ZNF540: variants seen among roughly 807,000 people sequenced by gnomAD.
ZNF540 encodes zinc finger protein 540.
In ZNF540, 3 loss-of-function variants were observed where a neutral mutation model predicts 11.8. The ratio of observed to expected loss-of-function variants is 0.25; its 90% confidence interval spans 0.12 to 0.65. The LOEUF (loss-of-function observed/expected upper bound fraction) is 0.65. Among genes scored for constraint, ZNF540 ranks in the 30% least tolerant of loss-of-function variants. The pLI, the probability that ZNF540 is intolerant of heterozygous loss-of-function variation, is 0.83. For missense variants in ZNF540, 709 were observed against 793.1 expected, an observed-to-expected ratio of 0.89 and a Z score of 1.27; for synonymous variants, 247 against 259.0, an observed-to-expected ratio of 0.95 and a Z score of 0.45.
rs1032324050 is a variant in ZNF540 at position 37,583,874 on chromosome 19, G to A, written c.-72-14502G>A. On this transcript the variant is annotated intron_variant, in intron 1 of 4. Transcript: ENST00000592533. Reference sequence around the variant, plus strand: ...TGTCCATTTCTACTTCTACTCAAACGTAAGCCTTTCCTTAGGGAATGGAGA... The same window carrying A: ...TGTCCATTTCTACTTCTACTCAAACATAAGCCTTTCCTTAGGGAATGGAGA... 17 of 1,301,870 alleles carry A rather than the reference G, an allele frequency of 1.3e-5. No homozygotes were observed. The Admixed American group carries it at 1.3e-4, about 10-fold the overall frequency. 80.6% of individuals were successfully genotyped at this position (1,301,870 alleles called of 1,614,324 possible).
intron 1 of ZNF540, among the ~76,000 whole-genome samples, chr19:37,551,834 G>T (rs927125802): frequency 7.0e-5 from 10 of 142,720 alleles, no homozygotes; most frequent in Non-Finnish European, 1.2e-4. Flanking sequence ...CTGTGTGTGT[G>T]GGGGGGGTGG....
chr19:37,612,072 TCA>T lies in ZNF540; in HGVS notation c.796_797del (p.Thr266TrpfsTer2). The T allele has an allele frequency of 6.2e-7, 1 of 1,611,828 alleles. No individual in the cohort carries two copies. The highest frequency in any genetic ancestry group is 8.5e-7 in the Non-Finnish European group (1 of 1,179,574). ...YPQLNRHQKI[H>X]TGKKPYMCKK... ...CACAACTTAATCGACATCAGAAAATTCACACTGGTAAAAAACCCTATATGTGT... is the reference window on the plus strand; with the variant it reads ...CACAACTTAATCGACATCAGAAAATTCACTGGTAAAAAACCCTATATGTGT... On this transcript the variant is annotated frameshift_variant, in exon 5 of 5. Transcript: ENST00000316433. LOFTEE classifies it low-confidence loss of function (END_TRUNC).
upstream of ZNF540, among the ~76,000 whole-genome samples, chr19:37,592,667 T>C (rs1478445123): frequency 6.6e-6 from 1 of 152,226 alleles, no homozygotes; most frequent in Non-Finnish European, 1.5e-5. Context: ...TGATGTGATG[T>C]AATAGGAAGT....
intron 1 of ZNF540, chr19:37,555,274 A>G (rs2042647440): frequency 6.6e-6 from 1 of 152,594 alleles, no homozygotes; most frequent in African/African-American, 2.4e-5. Context: ...AAACAGGGTT[A>G]GTAAAAACAA....
chr19:37,562,091 A>T (rs537736175), intron 1 of ZNF540, among the ~76,000 whole-genome samples: 2 of 152,330 alleles, frequency 1.3e-5, no homozygotes, highest in East Asian at 3.9e-4. Context: ...TGTTCATTAA[A>T]GATAATGTAG....
At chr19:37,555,610 G>A (rs1360830801) in intron 1 of ZNF540, 1 of 384,644 alleles carries the variant, frequency 2.6e-6, no homozygotes, top group African/African-American at 2.1e-5. Flanking sequence ...TATCTTTTAT[G>A]ACTAAGAATG....
intron 4 of ZNF540, among the ~76,000 whole-genome samples, chr19:37,607,903 T>C (rs559980488): frequency 6.6e-6 from 1 of 152,352 alleles, no homozygotes; most frequent in East Asian, 1.9e-4. Flanking sequence ...CCAAAGTGGC[T>C]ATAATATTTT....
chr19:37,603,102 G>A (rs912057708), intron 4 of ZNF540, among the ~76,000 whole-genome samples: 2 of 150,096 alleles, frequency 1.3e-5, no homozygotes, highest in South Asian at 2.2e-4. Context: ...CCACCTCCCG[G>A]GTTCAAGCAA....
intron 1 of ZNF540, chr19:37,562,340 C>T (rs2042726100): frequency 6.6e-6 from 1 of 151,658 alleles, no homozygotes; most frequent in Admixed American, 6.6e-5. Flanking sequence ...AAGATCACAC[C>T]ACTGCACTCC....
At chr19:37,560,530 C>T (rs1361496472) in intron 1 of ZNF540, 5 of 151,822 alleles carry the variant, frequency 3.3e-5, no homozygotes, top group Non-Finnish European at 1.5e-5. Flanking sequence ...TGCCACCACA[C>T]CTGGCTAATT....
chr19:37,590,853 T>C (rs566378411), upstream of ZNF540, among the ~76,000 whole-genome samples: 1 of 152,292 alleles, frequency 6.6e-6, no homozygotes, highest in African/African-American at 2.4e-5. Context: ...ACCTTAAATA[T>C]AGCAAAACAT....
At chr19:37,564,128 A>C (rs1359933203) in intron 1 of ZNF540, 1 of 152,390 alleles carries the variant, frequency 6.6e-6, no homozygotes, top group Non-Finnish European at 1.5e-5. Flanking sequence ...TGTTGTTCTA[A>C]AGGGGCTACA....
chr19:37,597,792 A>G (rs1015618075), intron 1 of ZNF540, among the ~76,000 whole-genome samples: 11 of 152,268 alleles, frequency 7.2e-5, no homozygotes, highest in African/African-American at 2.4e-4. Flanking sequence ...TACAATCTCC[A>G]TTGCAACTAC....
chr19:37,556,047 T>G lies in ZNF540; in HGVS notation c.-73+4382T>G, dbSNP rs570121680. 69 of 702,690 alleles carry G rather than the reference T, an allele frequency of 9.8e-5. 1 individual carries two copies. The highest frequency in any genetic ancestry group is 9.8e-4 in the South Asian group (66 of 67,582). 43.5% of individuals were successfully genotyped at this position (702,690 alleles called of 1,614,324 possible). A position where few individuals can be genotyped will look rare whatever the true frequency, so the allele number is the denominator to read the frequency against. On this transcript the variant is annotated intron_variant, in intron 1 of 4. Coordinates refer to the ZNF540 transcript ENST00000592533. Reference sequence around the variant, plus strand: ...ATTTTGGAGTCCTTTTTCTGCACCTTTGGAGCTTCCACATCCAGTTTGGCT... The same window carrying G: ...ATTTTGGAGTCCTTTTTCTGCACCTGTGGAGCTTCCACATCCAGTTTGGCT...
chr19:37,609,729 TC>T (rs768475826), intron 4 of ZNF540, among the ~76,000 whole-genome samples: 37 of 149,964 alleles, frequency 2.5e-4, no homozygotes, highest in South Asian at 4.2e-4. Flanking sequence ...GCACCTGTAA[TC>T]CCAGCTACTC....
intron 1 of ZNF540, among the ~76,000 whole-genome samples, chr19:37,582,981 T>C (rs1442164758): frequency 6.6e-6 from 1 of 152,190 alleles, no homozygotes; most frequent in African/African-American, 2.4e-5. Context: ...TCTCACTGCT[T>C]GCAACAACCA....
chr19:37,559,958 G>C (rs908933810), intron 1 of ZNF540, among the ~76,000 whole-genome samples: 3 of 152,180 alleles, frequency 2.0e-5, no homozygotes, highest in African/African-American at 7.2e-5. Flanking sequence ...CAGCAGATGA[G>C]TGCAATACAA....
At chr19:37,603,784 A>G (rs545854108) in intron 4 of ZNF540, among the ~76,000 whole-genome samples, 21 of 152,200 alleles carry the variant, frequency 1.4e-4, no homozygotes, top group Non-Finnish European at 2.5e-4. Flanking sequence ...TTATCTGTCA[A>G]TGTAAAAAAT....
intron 1 of ZNF540, among the ~76,000 whole-genome samples, chr19:37,552,118 T>C (rs1352504208): frequency 6.6e-6 from 1 of 152,212 alleles, no homozygotes; most frequent in Non-Finnish European, 1.5e-5. Context: ...GCTGTTATTT[T>C]TGACTCCAAA....
Sources: gnomAD v4.1 joint callset for allele counts (sites outside exome capture counted in the v4.1 genomes callset) on GRCh38, gnomAD v4.1.1 for gene constraint, MANE v1.5 for transcripts, NCBI Gene and HGNC (gene_info 2026-07-23, HGNC 2026-07-21) for gene names.